Variants in ITSN1 observed in about 807,000 individuals in gnomAD.
The protein encoded by ITSN1 is intersectin 1.
ITSN1 carries 58 observed loss-of-function variants against 239.8 expected under a neutral mutation model. That is an observed-to-expected ratio of 0.24 (90% CI 0.20 to 0.30). ITSN1 has a LOEUF of 0.30. Ranked by LOEUF, ITSN1 falls within the 10% of genes least tolerant of loss-of-function variation. The pLI is 1.00. For missense variants in ITSN1, 1,558 were observed against 2,103.3 expected, an observed-to-expected ratio of 0.74 and a Z score of 5.07; for synonymous variants, 780 against 770.8, an observed-to-expected ratio of 1.01 and a Z score of -0.20.
intron 20 of ITSN1, among the ~76,000 whole-genome samples, chr21:33,806,273 C>T (rs1723933322): frequency 6.6e-6 from 1 of 151,990 alleles, no homozygotes; most frequent in African/African-American, 2.4e-5. Flanking sequence ...ATTTCAAAAC[C>T]GGCAAATCCA....
In ITSN1 at chr21:33,878,007, T is replaced by TG. The variant is rs1491564395; in HGVS notation, c.4341+2486_4341+2487insG. The stretch of plus-strand genomic sequence containing the variant: ...GTCTCTCTTTCTCTTTCTCTCTCTC[T>TG]TTGTGTGTGTGTGTGTGTGTGTGTG... On this transcript the variant is annotated intron_variant, in intron 34 of 39. Transcript: ENST00000381318. Among the ~76,000 whole-genome samples, 8 of 118,808 alleles carry TG rather than the reference T, an allele frequency of 6.7e-5. 1 individual carries two copies. The highest frequency in any genetic ancestry group is 4.6e-4 in the East Asian group (2 of 4,364). 77.9% of individuals were successfully genotyped at this position (118,808 alleles called of 152,430 possible). A position where few individuals can be genotyped will look rare whatever the true frequency, so the allele number is the denominator to read the frequency against.
At chr21:33,679,234 C>CTA (rs2090782409) in intron 1 of ITSN1, among the ~76,000 whole-genome samples, 1 of 152,086 alleles carries the variant, frequency 6.6e-6, no homozygotes, top group South Asian at 2.1e-4. Flanking sequence ...GTGTGTGTAT[C>CTA]TATATACATA....
intron 12 of ITSN1, 132 bp from the exon 13 acceptor site, chr21:33,774,597 C>T: frequency 1.3e-6 from 1 of 797,084 alleles, no homozygotes; most frequent in Non-Finnish European, 2.0e-6. Flanking sequence ...TTTTTGTTTT[C>T]TAATGTGATT....
At chr21:33,706,803 A>G (rs1187234561) in intron 1 of ITSN1, among the ~76,000 whole-genome samples, 2 of 151,998 alleles carry the variant, frequency 1.3e-5, no homozygotes, top group African/African-American at 2.4e-5. Context: ...GCTCACTGCA[A>G]CCTCTGCCTT....
At chr21:33,850,439 C>T (rs544284927) in intron 29 of ITSN1, among the ~76,000 whole-genome samples, 11 of 152,320 alleles carry the variant, frequency 7.2e-5, no homozygotes, top group Non-Finnish European at 1.6e-4. Flanking sequence ...CATTAAAAAT[C>T]GCATCTTGAG....
At chr21:33,740,171 T>C (rs1163570119) in intron 5 of ITSN1, among the ~76,000 whole-genome samples, 1 of 152,060 alleles carries the variant, frequency 6.6e-6, no homozygotes, top group East Asian at 1.9e-4. Context: ...ATTAAGAGTT[T>C]TGGTGATTTT....
chr21:33,775,156 T>C (rs775968723), intron 14 of ITSN1, 48 bp downstream of exon 14: 1 of 1,566,226 alleles, frequency 6.4e-7, no homozygotes, highest in Non-Finnish European at 8.7e-7. Context: ...CTGGCATCCT[T>C]TTCTCTAATT....
intron 16 of ITSN1, among the ~76,000 whole-genome samples, chr21:33,784,792 G>T (rs2070517759): frequency 6.6e-6 from 1 of 152,036 alleles, no homozygotes; most frequent in Non-Finnish European, 1.5e-5. Context: ...TACTTTTTTT[G>T]TAACTTTAGA....
chr21:33,793,049 C>T (rs961501571), intron 16 of ITSN1, among the ~76,000 whole-genome samples: 3 of 152,104 alleles, frequency 2.0e-5, no homozygotes, highest in Admixed American at 6.6e-5. Flanking sequence ...AGCCTCTCAG[C>T]GTCACTTACA....
chr21:33,832,542 G>T (rs2074356435), intron 27 of ITSN1, among the ~76,000 whole-genome samples: 1 of 152,188 alleles, frequency 6.6e-6, no homozygotes. Flanking sequence ...TCACCAGAGT[G>T]ACTCTCAGCG....
At position 33,818,290 on chromosome 21, in the gene ITSN1, A is replaced by G. The variant is rs2073421171; in HGVS notation, c.2751A>G (p.Gln917=). The change falls in exon 23 of 40, where the codon CAA becomes CAG. Residue 917 remains glutamine, a synonymous_variant. Coordinates refer to ENST00000381318, the MANE Select transcript of ITSN1 (RefSeq NM_003024.3). The part of the protein sequence containing the change: ...LGQGEKVEGL[Q]AQALYPWRAK... ...AGGGTGAAAAGGTGGAGGGGCTACA[A>G]GCTCAAGCCCTATATCCTTGGAGAG... The G allele has an allele frequency of 6.2e-7, 1 of 1,614,194 alleles. No individual in the cohort carries two copies. The highest frequency in any genetic ancestry group is 8.5e-7 in the Non-Finnish European group (1 of 1,180,008).
At chr21:33,746,938 G>A (rs1027318217) in intron 5 of ITSN1, among the ~76,000 whole-genome samples, 3 of 152,170 alleles carry the variant, frequency 2.0e-5, no homozygotes, top group African/African-American at 7.2e-5. Flanking sequence ...CGGATCACCC[G>A]AGGTTAGAAG....
chr21:33,656,694 GT>G (rs1347886228), intron 1 of ITSN1, among the ~76,000 whole-genome samples: 7 of 151,896 alleles, frequency 4.6e-5, no homozygotes, highest in Non-Finnish European at 7.4e-5. Flanking sequence ...CGTGCCACTT[GT>G]TTTATTTATT....
intron 1 of ITSN1, among the ~76,000 whole-genome samples, chr21:33,704,801 A>G (rs1295050174): frequency 1.3e-5 from 2 of 151,836 alleles, no homozygotes; most frequent in Non-Finnish European, 2.9e-5. Context: ...TTGTAAAGAC[A>G]ATCTTGGCCG....
intron 1 of ITSN1, among the ~76,000 whole-genome samples, chr21:33,680,335 C>CTTT: frequency 7.2e-6 from 1 of 138,578 alleles, no homozygotes; most frequent in Middle Eastern, 3.6e-3. Flanking sequence ...TTTCTTTTTT[C>CTTT]TTTTTTTTTT....
chr21:33,889,224 T>C lies in ITSN1; in HGVS notation c.*924T>C, dbSNP rs933052500. 1.3e-5 allele frequency: 2 copies of C among 152,164 alleles called. No individual in the cohort carries two copies. Among genetic ancestry groups the C allele is most frequent in the Admixed American group, 1.3e-4 (2 of 15,280 alleles). The allele number at this position is 152,164 out of a possible 1,614,324, so 9.4% of individuals were successfully genotyped here. A position where few individuals can be genotyped will look rare whatever the true frequency, so the allele number is the denominator to read the frequency against. ...TGACCTGTTCTGTGCTTGAATGTGCTGAATCCTGATTGTTGTAGGACATTT... is the reference window on the plus strand; with the variant it reads ...TGACCTGTTCTGTGCTTGAATGTGCCGAATCCTGATTGTTGTAGGACATTT... On this transcript the variant is annotated 3_prime_UTR_variant, in exon 40 of 40. Transcript: ENST00000381318.
chr21:33,791,832 A>G (rs1399600852), intron 16 of ITSN1, among the ~76,000 whole-genome samples: 1 of 152,104 alleles, frequency 6.6e-6, no homozygotes, highest in East Asian at 1.9e-4. Context: ...TCATGAATAC[A>G]TTTTTTCCTG....
chr21:33,891,563 C>A lies in ITSN1; in HGVS notation c.*3263C>A, dbSNP rs1297480263. 6.6e-6 allele frequency: 1 copy of A among 151,998 alleles called. No homozygotes were observed. The highest frequency in any genetic ancestry group is 1.5e-5 in the Non-Finnish European group (1 of 68,002). 9.4% of individuals were successfully genotyped at this position (151,998 alleles called of 1,614,324 possible). On this transcript the variant is annotated 3_prime_UTR_variant, in exon 40 of 40. Transcript: ENST00000381318. ...CCTCCAGGGGAGTATTCTGGGGTGG[C>A]AGGGGGATTAGGTGCTAGCGCCAGC... is the stretch of plus-strand genomic sequence containing the variant.
At chr21:33,766,717 C>T (rs564717050) in intron 10 of ITSN1, among the ~76,000 whole-genome samples, 4 of 152,306 alleles carry the variant, frequency 2.6e-5, no homozygotes, top group Admixed American at 1.3e-4. Context: ...TCAGCACACA[C>T]GTGGTACAGG....
Sources: gnomAD v4.1 joint callset for allele counts (sites outside exome capture counted in the v4.1 genomes callset) on GRCh38, gnomAD v4.1.1 for gene constraint, MANE v1.5 for transcripts, NCBI Gene and HGNC (gene_info 2026-07-23, HGNC 2026-07-21) for gene names.